Variants in TRHDE observed in about 807,000 individuals in gnomAD.
TRHDE encodes thyrotropin-releasing hormone-degrading ectoenzyme.
In TRHDE, 72 loss-of-function variants were observed where a neutral mutation model predicts 125.7. The observed-to-expected ratio is 0.57, with a 90% CI of 0.47 to 0.70. The LOEUF (loss-of-function observed/expected upper bound fraction) is 0.70. Among genes scored for constraint, TRHDE ranks in the 30% least tolerant of loss-of-function variants. TRHDE has a pLI of 0.00. For synonymous variants in TRHDE, 509 were observed against 509.1 expected (o/e 1.00, Z 0.00); for missense variants, 1,110 against 1,327.1 (o/e 0.84, Z 2.54).
At chr12:72,189,946 C>T (rs974165062) in intron 2 of TRHDE, among the ~76,000 whole-genome samples, 3 of 152,108 alleles carry the variant, frequency 2.0e-5, no homozygotes, top group African/African-American at 7.2e-5. Flanking sequence ...TTAGGAATCC[C>T]ACCCACCTAC....
chr12:72,564,477 A>C (rs1870335232), intron 9 of TRHDE, among the ~76,000 whole-genome samples: 1 of 152,148 alleles, frequency 6.6e-6, no homozygotes, highest in Non-Finnish European at 1.5e-5. Flanking sequence ...AAGGACACGC[A>C]GATGACAGAA....
chr12:72,382,696 G>T (rs144242470), intron 3 of TRHDE, among the ~76,000 whole-genome samples: 274 of 152,168 alleles, frequency 1.8e-3, no homozygotes, highest in African/African-American at 5.9e-3. Context: ...GAATTTCAGG[G>T]TGTTACATTG....
At chr12:72,173,349 T>G (rs1489228265) in intron 2 of TRHDE, among the ~76,000 whole-genome samples, 1 of 152,178 alleles carries the variant, frequency 6.6e-6, no homozygotes, top group Non-Finnish European at 1.5e-5. Flanking sequence ...ACTATTCAGG[T>G]GCTCACCAGC....
At chr12:72,646,404 A>T (rs2136104955) in intron 15 of TRHDE, among the ~76,000 whole-genome samples, 1 of 152,176 alleles carries the variant, frequency 6.6e-6, no homozygotes, top group East Asian at 1.9e-4. Flanking sequence ...AAAAAGGAAG[A>T]TGGCAAAAGA....
chr12:72,238,123 G>A (rs922024429), intron 2 of TRHDE, among the ~76,000 whole-genome samples: 1 of 151,192 alleles, frequency 6.6e-6, no homozygotes, highest in Non-Finnish European at 1.5e-5. Flanking sequence ...GACTTGACTT[G>A]TGTTTGAAAA....
At chr12:72,626,468 A>G (rs1343070077) in intron 15 of TRHDE, among the ~76,000 whole-genome samples, 1 of 151,850 alleles carries the variant, frequency 6.6e-6, no homozygotes, top group Non-Finnish European at 1.5e-5. Context: ...TCAATGCTCA[A>G]TCTACCCTCT....
Position 72,667,443 on chromosome 12 carries a change from A to G in TRHDE, c.*4248A>G, listed in dbSNP as rs1875149652. 6.6e-6 allele frequency: 1 copy of G among 151,758 alleles called. No homozygotes were observed. Among genetic ancestry groups the G allele is most frequent in the Non-Finnish European group, 1.5e-5 (1 of 67,806 alleles). 9.4% of individuals were successfully genotyped at this position (151,758 alleles called of 1,614,324 possible). On this transcript the variant is annotated 3_prime_UTR_variant, in exon 19 of 19. Transcript: ENST00000261180. ...TATTGTATAGATACAATATATAACT[A>G]TACTTAAAGAAATATTTATTGAGCA...
intron 4 of TRHDE, 116 bp downstream of exon 4, chr12:72,470,028 A>G: frequency 1.0e-6 from 1 of 971,086 alleles, no homozygotes; most frequent in Non-Finnish European, 1.5e-6. Flanking sequence ...TTTTATATGG[A>G]GCACTGTGTA....
rs147586845 is a variant in TRHDE at position 72,300,071 on chromosome 12, G to A, written c.1188+13117G>A. On this transcript the variant is annotated intron_variant, in intron 2 of 18. Coordinates refer to ENST00000261180, the MANE Select transcript of TRHDE (RefSeq NM_013381.3). ...CTTTTTTAGTTTCAGGAATGGCTGT[G>A]ATTTAATTACTGAGTGCAGATTTTA... 2.8e-3 allele frequency among the ~76,000 whole-genome samples: 421 copies of A among 152,198 alleles called. 2 individuals are homozygous for A. Among genetic ancestry groups the A allele is most frequent in the Non-Finnish European group, 4.4e-3 (296 of 67,992 alleles).
At chr12:72,552,830 G>T (rs1003048037) in intron 7 of TRHDE, among the ~76,000 whole-genome samples, 1 of 152,156 alleles carries the variant, frequency 6.6e-6, no homozygotes, top group African/African-American at 2.4e-5. Flanking sequence ...GGCTAAGGAA[G>T]ATTTTTGTTT....
rs1302815921 is a variant in TRHDE, at chr12:72,665,780, A to G, written c.*2585A>G. 1 of 152,130 alleles carries G rather than the reference A, an allele frequency of 6.6e-6. No homozygotes were observed. Among genetic ancestry groups the G allele is most frequent in the Non-Finnish European group, 1.5e-5 (1 of 68,000 alleles). 9.4% of individuals were successfully genotyped at this position (152,130 alleles called of 1,614,324 possible). A position where few individuals can be genotyped will look rare whatever the true frequency, so the allele number is the denominator to read the frequency against. Reference sequence around the variant, plus strand: ...GTACAAAAAAGTAGTTTCAATTAGAAAGGACAACATTATTTATCACATTGA... The same window carrying G: ...GTACAAAAAAGTAGTTTCAATTAGAGAGGACAACATTATTTATCACATTGA... On this transcript the variant is annotated 3_prime_UTR_variant, in exon 19 of 19. Transcript: ENST00000261180.
intron 4 of TRHDE, among the ~76,000 whole-genome samples, chr12:72,472,437 T>G (rs1258681248): frequency 2.0e-5 from 3 of 152,198 alleles, no homozygotes; most frequent in African/African-American, 7.2e-5. Context: ...TTAGAGAATT[T>G]TTTTTGGTTT....
At chr12:72,501,869 GTTAT>G (rs1373307292) in intron 6 of TRHDE, among the ~76,000 whole-genome samples, 3 of 151,974 alleles carry the variant, frequency 2.0e-5, no homozygotes, top group Admixed American at 6.6e-5. Context: ...TATATGGTGG[GTTAT>G]TTATTTATTT....
At chr12:72,214,798 T>C (rs1877851361) in intron 2 of TRHDE, among the ~76,000 whole-genome samples, 1 of 152,208 alleles carries the variant, frequency 6.6e-6, no homozygotes. Context: ...CTTTTTCTCC[T>C]TTGAGATAAT....
chr12:72,438,533 T>A lies in TRHDE; in HGVS notation c.1316-31225T>A, dbSNP rs375351920. 4.6e-5 allele frequency among the ~76,000 whole-genome samples: 7 copies of A among 152,022 alleles called. No individual in the cohort carries two copies. The South Asian group carries it at 1.2e-3, about 27-fold the overall frequency. On this transcript the variant is annotated intron_variant, in intron 3 of 18. Transcript: ENST00000261180. Reference sequence around the variant, plus strand: ...TCCTGATGATTAGTGATGAGCATTTTTTCATATACTTTTTGGCTATTTTTA... The same window carrying A: ...TCCTGATGATTAGTGATGAGCATTTATTCATATACTTTTTGGCTATTTTTA...
intron 3 of TRHDE, among the ~76,000 whole-genome samples, chr12:72,448,192 G>C (rs1374196416): frequency 6.6e-6 from 1 of 152,016 alleles, no homozygotes; most frequent in African/African-American, 2.4e-5. Flanking sequence ...AATGGATTAA[G>C]TTGTGCACTG....
In TRHDE at chr12:72,575,406, T is replaced by A; in HGVS notation, c.2265+18T>A. 6.2e-7 allele frequency: 1 copy of A among 1,613,552 alleles called. No individual in the cohort carries two copies. Among genetic ancestry groups the A allele is most frequent in the Non-Finnish European group, 8.5e-7 (1 of 1,179,658 alleles). On this transcript the variant is annotated intron_variant, in intron 11 of 18. Transcript: ENST00000261180. The stretch of plus-strand genomic sequence containing the variant: ...ATCATGAGGTACACTCCAGATTTGC[T>A]TATCAAAGATAATTTTTGGTATGTG...
At chr12:72,122,241 A>T (rs1466462841) in intron 2 of TRHDE, among the ~76,000 whole-genome samples, 1 of 152,102 alleles carries the variant, frequency 6.6e-6, no homozygotes, top group East Asian at 1.9e-4. Flanking sequence ...AGCTTACCCA[A>T]TTGCAAAGGA....
chr12:72,348,788 A>T (rs1370624202), intron 2 of TRHDE, among the ~76,000 whole-genome samples: 1 of 152,100 alleles, frequency 6.6e-6, no homozygotes, highest in Non-Finnish European at 1.5e-5. Flanking sequence ...TGATGGATAT[A>T]GATGGCCATG....
Sources: gnomAD v4.1 joint callset for allele counts (sites outside exome capture counted in the v4.1 genomes callset) on GRCh38, gnomAD v4.1.1 for gene constraint, MANE v1.5 for transcripts, NCBI Gene and HGNC (gene_info 2026-07-23, HGNC 2026-07-21) for gene names.